The following POMT2 variants were observed in gnomAD, a reference collection of about 807,000 sequenced individuals.
The protein encoded by POMT2 is protein O-mannosyltransferase 2.
In POMT2, 75 loss-of-function variants were observed where a neutral mutation model predicts 100.0. The observed-to-expected ratio is 0.75, with a 90% CI of 0.62 to 0.91. The LOEUF is 0.91. Ranked by LOEUF, POMT2 falls within the 40% of genes least tolerant of loss-of-function variation. The probability of loss-of-function intolerance (pLI) is 0.00; values close to 1 mark genes in which losing one functional copy is unlikely to be tolerated. For synonymous variants in POMT2, 378 were observed against 374.1 expected (o/e 1.01, Z -0.12); for missense variants, 940 against 955.1 (o/e 0.98, Z 0.21).
Position 77,279,877 on chromosome 14 carries a change from TC to T in POMT2, c.1836del (p.Ser613AlafsTer5), listed in dbSNP as rs1465056908. On this transcript the variant is annotated frameshift_variant, in exon 18 of 21. Transcript: ENST00000261534. LOFTEE classifies it high-confidence loss of function. Reference sequence around the variant, plus strand: ...CTCTGCATGGCTACAGCAATGATGCTCCCTGAGAGGAGGTAGAGGGCGATGC... The same window carrying T: ...CTCTGCATGGCTACAGCAATGATGCTCCTGAGAGGAGGTAGAGGGCGATGC... ...LLSIALYLLS[G>X]SIIAVAMQRG... The T allele has an allele frequency of 6.2e-7, 1 of 1,613,892 alleles. No homozygotes were observed. The highest frequency in any genetic ancestry group is 1.7e-5 in the Admixed American group (1 of 60,020).
At chr14:77,301,302 G>A (rs1052378472) in intron 5 of POMT2, 53 bp from the exon 6 acceptor site, 5 of 1,603,410 alleles carry the variant, frequency 3.1e-6, no homozygotes, top group Non-Finnish European at 3.4e-6. Flanking sequence ...AAAGCCAAAC[G>A]CAAGCGCAGC....
intron 5 of POMT2, 117 bp from the exon 6 acceptor site, chr14:77,301,366 G>C: frequency 7.3e-7 from 1 of 1,379,210 alleles, no homozygotes; most frequent in Non-Finnish European, 1.0e-6. Flanking sequence ...CCTGTCTTGG[G>C]GGCTCTTAGC....
Position 77,302,880 on chromosome 14 carries a change from A to G in POMT2, c.611T>C (p.Met204Thr). 2.5e-6 allele frequency: 4 copies of G among 1,613,984 alleles called. No individual in the cohort carries two copies. The highest frequency in any genetic ancestry group is 3.4e-6 in the Non-Finnish European group (4 of 1,179,882). ...CTTGACCATGCTCAGCATGGCAGCC[A>G]TGATGAAGAACATCAGGATGGGGTC... ...LLDPILMFFIMAAMLSMVKYN... is the reference protein window; with the variant it reads ...LLDPILMFFITAAMLSMVKYN... Residue 204 changes from methionine (M) to threonine (T), a missense_variant, in exon 5 of 21, where the codon ATG becomes ACG. Met to Thr is a moderately conservative substitution (Grantham distance 81). Coordinates refer to ENST00000261534, the MANE Select transcript of POMT2 (RefSeq NM_013382.7).
chr14:77,311,867 C>A, intron 2 of POMT2, 82 bp downstream of exon 2: 2 of 1,546,150 alleles, frequency 1.3e-6, no homozygotes, highest in Non-Finnish European at 1.7e-6. Flanking sequence ...CTAGAAGCCC[C>A]AAATCCAAAA....
chr14:77,312,458 T>C (rs150599180), intron 1 of POMT2: 4,381 of 182,742 alleles, frequency 0.024, 218 homozygotes, highest in African/African-American at 0.1. Flanking sequence ...AGTCAGGAGA[T>C]GGAGACCATC....
chr14:77,309,939 A>C (rs1364951426), intron 2 of POMT2, among the ~76,000 whole-genome samples: 1 of 152,092 alleles, frequency 6.6e-6, no homozygotes, highest in Non-Finnish European at 1.5e-5. Flanking sequence ...CAGCCTCCCA[A>C]AGTGCTGGGA....
intron 1 of POMT2, among the ~76,000 whole-genome samples, chr14:77,319,279 C>T (rs550186106): frequency 6.6e-6 from 1 of 152,248 alleles, no homozygotes; most frequent in African/African-American, 2.4e-5. Context: ...GTAAGCTGGC[C>T]TTATTCTGCT....
At chr14:77,292,019 G>A (rs12437115) in intron 9 of POMT2, among the ~76,000 whole-genome samples, 35,908 of 151,744 alleles carry the variant, frequency 0.24, 4,533 homozygotes, top group East Asian at 0.48. Flanking sequence ...AACAGAGCAA[G>A]ACTCTATCTT....
chr14:77,285,371 C>T (rs1890385209), intron 13 of POMT2, 110 bp downstream of exon 13: 1 of 1,439,312 alleles, frequency 6.9e-7, no homozygotes, highest in South Asian at 1.2e-5. Flanking sequence ...CCACTAAGAA[C>T]AAGCAGACAG....
rs373815491 is a variant in POMT2, at chr14:77,280,006, T to A, written c.1785+15A>T. The A allele has an allele frequency of 1.2e-6, 2 of 1,613,882 alleles. No individual in the cohort carries two copies. The highest frequency in any genetic ancestry group is 8.5e-7 in the Non-Finnish European group (1 of 1,179,998). On this transcript the variant is annotated intron_variant, in intron 17 of 20. Coordinates refer to ENST00000261534, the MANE Select transcript of POMT2 (RefSeq NM_013382.7). ...AGTGCTCCAGGGCCTGAGCCGGGAA[T>A]GTTTAGGCACTCACCGGGTTGCCAA...
rs1890937965 is a variant in POMT2 at position 77,299,336 on chromosome 14, C to A, written c.923+119G>T. 9.1e-6 allele frequency: 8 copies of A among 876,934 alleles called. No homozygotes were observed. In the East Asian group the frequency reaches 2.0e-4, roughly 22 times the overall value. 54.3% of individuals were successfully genotyped at this position (876,934 alleles called of 1,614,324 possible). On this transcript the variant is annotated intron_variant, in intron 7 of 20. Transcript: ENST00000261534. ...ATAGCAGGAAAGAAACAGGAAAAAGCCCCTGGGGTCCCTCACCTATCATTT... is the reference window on the plus strand; with the variant it reads ...ATAGCAGGAAAGAAACAGGAAAAAGACCCTGGGGTCCCTCACCTATCATTT...
intron 8 of POMT2, among the ~76,000 whole-genome samples, chr14:77,298,156 G>A (rs987740938): frequency 1.3e-5 from 2 of 152,094 alleles, no homozygotes; most frequent in Admixed American, 1.3e-4. Context: ...CTGACTCCAA[G>A]GCAACCCACA....
intron 15 of POMT2, 135 bp from the exon 16 acceptor site, chr14:77,280,598 G>C: frequency 2.0e-6 from 3 of 1,534,610 alleles, no homozygotes; most frequent in Non-Finnish European, 2.6e-6. Flanking sequence ...TTGCAGGGAA[G>C]AATCAGGCAG....
intron 4 of POMT2, among the ~76,000 whole-genome samples, chr14:77,303,325 T>C (rs867146187): frequency 6.6e-6 from 1 of 152,220 alleles, no homozygotes; most frequent in South Asian, 2.1e-4. Flanking sequence ...TCATTTTACA[T>C]GAAGTCTCTC....
At chr14:77,290,703 G>C (rs1005141988) in intron 10 of POMT2, among the ~76,000 whole-genome samples, 27 of 152,222 alleles carry the variant, frequency 1.8e-4, no homozygotes, top group Non-Finnish European at 5.9e-5. Context: ...CTCTTGCTCT[G>C]TCATAAAGCC....
chr14:77,283,232 G>T, intron 15 of POMT2, among the ~76,000 whole-genome samples: 1 of 152,238 alleles, frequency 6.6e-6, no homozygotes, highest in African/African-American at 2.4e-5. Flanking sequence ...ACTCAAATTA[G>T]CTATCCATCC....
At chr14:77,311,439 G>GT (rs1891432648) in intron 2 of POMT2, among the ~76,000 whole-genome samples, 3 of 152,246 alleles carry the variant, frequency 2.0e-5, no homozygotes, top group Non-Finnish European at 2.9e-5. Context: ...ACCTAATTCT[G>GT]TAACATGTCA....
At chr14:77,286,642 C>T in intron 12 of POMT2, 102 bp downstream of exon 12, 1 of 1,543,634 alleles carries the variant, frequency 6.5e-7, no homozygotes, top group South Asian at 1.1e-5. Flanking sequence ...CTCTTATCCT[C>T]AGGAACATTC....
intron 2 of POMT2, among the ~76,000 whole-genome samples, chr14:77,310,435 T>C (rs1446132424): frequency 6.6e-6 from 1 of 152,184 alleles, no homozygotes; most frequent in Non-Finnish European, 1.5e-5. Context: ...AGAATAAATG[T>C]TTTTAATTGT....
Sources: gnomAD v4.1 joint callset for allele counts (sites outside exome capture counted in the v4.1 genomes callset) on GRCh38, gnomAD v4.1.1 for gene constraint, MANE v1.5 for transcripts, NCBI Gene and HGNC (gene_info 2026-07-23, HGNC 2026-07-21) for gene names.